ZNF92: variants seen among roughly 807,000 people sequenced by gnomAD.
ZNF92 encodes the protein epididymis luminal protein 203.
In ZNF92, 11 loss-of-function variants were observed where a neutral mutation model predicts 12.4. The ratio of observed to expected loss-of-function variants is 0.89; its 90% confidence interval spans 0.56 to 1.47. The LOEUF is 1.47. Ranked by LOEUF, ZNF92 falls within the 40% of genes most tolerant of loss-of-function variation. ZNF92 has a pLI of 0.00. For missense variants in ZNF92, 622 were observed against 681.0 expected (o/e 0.91, Z 0.96); for synonymous variants, 206 against 228.6 (o/e 0.90, Z 0.89).
intron 1 of ZNF92, among the ~76,000 whole-genome samples, chr7:65,379,103 A>G (rs7798491): frequency 0.27 from 40,387 of 151,904 alleles, 6,864 homozygotes; most frequent in African/African-American, 0.45. Context: ...AGCTCTATCA[A>G]ATTATTGAAC....
Position 65,401,107 on chromosome 7 carries a change from T to G in ZNF92, c.*1232T>G, listed in dbSNP as rs1006844638. 4.6e-5 allele frequency: 7 copies of G among 152,118 alleles called. No homozygotes were observed. The highest frequency in any genetic ancestry group is 1.7e-4 in the African/African-American group (7 of 41,428). 9.4% of individuals were successfully genotyped at this position (152,118 alleles called of 1,614,324 possible). Reference sequence around the variant, plus strand: ...TTTAGATTGTGTGTGAACTTAATTTTGTAATTAAACATTTTTTTTAGCATG... The same window carrying G: ...TTTAGATTGTGTGTGAACTTAATTTGGTAATTAAACATTTTTTTTAGCATG... On this transcript the variant is annotated 3_prime_UTR_variant, in exon 4 of 4. Transcript: ENST00000328747.
intron 3 of ZNF92, among the ~76,000 whole-genome samples, chr7:65,397,058 T>G (rs1793863894): frequency 6.6e-6 from 1 of 152,024 alleles, no homozygotes; most frequent in South Asian, 2.1e-4. Flanking sequence ...AATATATTGA[T>G]TTAATTGATG....
At chr7:65,398,243 C>A in intron 3 of ZNF92, 98 bp from the exon 4 acceptor site, 1 of 1,038,048 alleles carries the variant, frequency 9.6e-7, no homozygotes, top group Non-Finnish European at 1.3e-6. Context: ...TGCCATCTTG[C>A]TTATGTTGTA....
At chr7:65,374,311 A>C (rs6942940) in intron 1 of ZNF92, among the ~76,000 whole-genome samples, 42,471 of 152,064 alleles carry the variant, frequency 0.28, 7,799 homozygotes, top group African/African-American at 0.5. Flanking sequence ...GGAGAATAGT[A>C]AAGAGAAGAA....
chr7:65,392,593 A>G (rs1349431732), intron 3 of ZNF92, among the ~76,000 whole-genome samples: 3 of 150,992 alleles, frequency 2.0e-5, no homozygotes, highest in Admixed American at 1.3e-4. Flanking sequence ...CTGGAGTACA[A>G]TGGTGTCATC....
chr7:65,376,694 C>G (rs1793251649), intron 1 of ZNF92, among the ~76,000 whole-genome samples: 1 of 152,102 alleles, frequency 6.6e-6, no homozygotes, highest in African/African-American at 2.4e-5. Flanking sequence ...ATCTGCCCAC[C>G]TTGGCTTCCC....
At chr7:65,391,764 T>G (rs1584286337) in intron 3 of ZNF92, among the ~76,000 whole-genome samples, 1 of 152,226 alleles carries the variant, frequency 6.6e-6, no homozygotes, top group Middle Eastern at 3.4e-3. Context: ...AAATGCTTAC[T>G]TATTAAGTTT....
At chr7:65,374,991 A>G (rs1432839958) in intron 1 of ZNF92, among the ~76,000 whole-genome samples, 1 of 152,068 alleles carries the variant, frequency 6.6e-6, no homozygotes, top group Non-Finnish European at 1.5e-5. Flanking sequence ...CCTTTAGTGT[A>G]CATTTTCGAT....
intron 1 of ZNF92, among the ~76,000 whole-genome samples, chr7:65,383,330 T>C (rs1012366665): frequency 2.6e-5 from 4 of 152,154 alleles, no homozygotes; most frequent in South Asian, 2.1e-4. Context: ...GTTGTACTTT[T>C]GCTGTAACAC....
chr7:65,387,707 C>T (rs1247886268), intron 1 of ZNF92, among the ~76,000 whole-genome samples, 195 bp from the exon 2 acceptor site: 1 of 151,816 alleles, frequency 6.6e-6, no homozygotes, highest in East Asian at 1.9e-4. Flanking sequence ...ATGTCATTCT[C>T]TTTTCTCAGA....
chr7:65,374,007 C>G lies in ZNF92; in HGVS notation c.3+7C>G. On this transcript the variant is annotated splice_region_variant and intron_variant, in intron 1 of 3. Coordinates refer to ENST00000328747, the MANE Select transcript of ZNF92 (RefSeq NM_152626.4). ...CCCTGGAAGCCTAGAAATGGTGAGC[C>G]TGCTGGGTCCCACATCCCGAGAGAG... 6.2e-7 allele frequency: 1 copy of G among 1,614,136 alleles called. No individual in the cohort carries two copies. Among genetic ancestry groups the G allele is most frequent in the Non-Finnish European group, 8.5e-7 (1 of 1,180,024 alleles).
rs761393440 is a variant in ZNF92 at position 65,399,755 on chromosome 7, C to A, written c.1641C>A (p.Asn547Lys). 6 of 1,613,430 alleles carry A rather than the reference C, an allele frequency of 3.7e-6. No homozygotes were observed. Reference protein sequence around the residue: ...YKYEECDKAFNKFSTLITHQI... With the variant: ...YKYEECDKAFKKFSTLITHQI... Reference sequence around the variant, plus strand: ...ATGAAGAATGTGACAAAGCCTTTAACAAGTTCTCAACCCTTATTACACATC... The same window carrying A: ...ATGAAGAATGTGACAAAGCCTTTAAAAAGTTCTCAACCCTTATTACACATC... The change falls in exon 4 of 4, where the codon AAC (asparagine) becomes AAA (lysine). Residue 547 changes from asparagine to lysine, a missense_variant. Asn to Lys is a moderately conservative substitution (Grantham distance 94). Coordinates refer to ENST00000328747, the MANE Select transcript of ZNF92 (RefSeq NM_152626.4).
intron 3 of ZNF92, among the ~76,000 whole-genome samples, chr7:65,389,917 C>G (rs1420185667): frequency 6.6e-6 from 1 of 151,466 alleles, no homozygotes; most frequent in East Asian, 2.0e-4. Flanking sequence ...CTGCAAGCTC[C>G]GCCTCCCGAG....
At position 65,389,359 on chromosome 7, in the gene ZNF92, C is replaced by A. The variant is rs561803472; in HGVS notation, c.226+458C>A. ...GCTCTCACATAGGGGCATCTTCTGT[C>A]TAATGCTTTTAAATTTTCTAAGGTG... On this transcript the variant is annotated intron_variant, in intron 3 of 3. Coordinates refer to ENST00000328747, the MANE Select transcript of ZNF92 (RefSeq NM_152626.4). Among the ~76,000 whole-genome samples, 5 of 152,144 alleles carry A rather than the reference C, an allele frequency of 3.3e-5. No individual in the cohort carries two copies. The South Asian group carries it at 1.0e-3, about 32-fold the overall frequency.
chr7:65,386,360 GCTT>G (rs1280061686), intron 1 of ZNF92, among the ~76,000 whole-genome samples: 2 of 151,992 alleles, frequency 1.3e-5, no homozygotes, highest in Admixed American at 1.3e-4. Context: ...CTACATCATG[GCTT>G]CTTATATGCC....
chr7:65,376,115 G>C (rs1339800016), intron 1 of ZNF92, among the ~76,000 whole-genome samples: 2 of 151,942 alleles, frequency 1.3e-5, no homozygotes, highest in Non-Finnish European at 2.9e-5. Flanking sequence ...GTTTCACTCT[G>C]TTGCCCAGGC....
chr7:65,386,442 A>T (rs763026977), intron 1 of ZNF92, among the ~76,000 whole-genome samples: 2 of 152,078 alleles, frequency 1.3e-5, no homozygotes, highest in Non-Finnish European at 2.9e-5. Flanking sequence ...ATATGGGAGG[A>T]TGAATATACT....
At chr7:65,378,123 G>T (rs1414728152) in intron 1 of ZNF92, among the ~76,000 whole-genome samples, 2 of 151,742 alleles carry the variant, frequency 1.3e-5, no homozygotes, top group Non-Finnish European at 2.9e-5. Flanking sequence ...AGACTGAGGT[G>T]GGCGGATCTA....
chr7:65,399,425 C>G lies in ZNF92; in HGVS notation c.1311C>G (p.Ser437=). 6.2e-7 allele frequency: 1 copy of G among 1,613,374 alleles called. No individual in the cohort carries two copies. The highest frequency in any genetic ancestry group is 2.2e-5 in the East Asian group (1 of 44,826). Residue 437 remains serine (S), a synonymous_variant, in exon 4 of 4, where the codon TCC becomes TCG. Coordinates refer to ENST00000328747, the MANE Select transcript of ZNF92 (RefSeq NM_152626.4). ...AATGTGGCAAGGCCTTTAGCTGGTC[C>G]TCAGCTTTTACTAAACATAAGAGAA... is the stretch of plus-strand genomic sequence containing the variant. ...CEKCGKAFSW[S]SAFTKHKRNH...
Sources: allele counts gnomAD v4.1 joint callset (sites outside exome capture counted in the v4.1 genomes callset), GRCh38; gene constraint gnomAD v4.1.1; transcripts MANE v1.5; gene names NCBI Gene and HGNC (gene_info 2026-07-23, HGNC 2026-07-21).